SASH1: variants seen among roughly 807,000 people sequenced by gnomAD.
SASH1 encodes SAM and SH3 domain containing 1, also known as SAM and SH3 domain-containing protein 1.
SASH1 carries 44 observed loss-of-function variants against 125.2 expected under a neutral mutation model. The observed-to-expected ratio is 0.35, with a 90% confidence interval of 0.28 to 0.45. The LOEUF (loss-of-function observed/expected upper bound fraction) is 0.45. Among genes scored for constraint, SASH1 ranks in the 20% least tolerant of loss-of-function variants. The probability of loss-of-function intolerance (pLI) is 1.00; values close to 1 mark genes in which losing one functional copy is unlikely to be tolerated. For missense variants in SASH1, 1,426 were observed against 1,614.5 expected, an observed-to-expected ratio of 0.88 and a Z score of 2.00; for synonymous variants, 639 against 649.1, an observed-to-expected ratio of 0.98 and a Z score of 0.24.
chr6:148,425,230 G>A (rs555401230), intron 2 of SASH1, among the ~76,000 whole-genome samples: 31 of 152,244 alleles, frequency 2.0e-4, no homozygotes, highest in African/African-American at 7.2e-4. Flanking sequence ...AAGGCTGCAC[G>A]CAAGAACTTT....
Position 148,543,801 on chromosome 6 carries a change from A to G in SASH1, c.2331A>G (p.Ala777=). 1 of 1,614,116 alleles carries G rather than the reference A, an allele frequency of 6.2e-7. No individual in the cohort carries two copies. The highest frequency in any genetic ancestry group is 8.5e-7 in the Non-Finnish European group (1 of 1,180,000). ...PTLPLMKSGD[A]LKQGQEEGRL... ...TGCCTTTAATGAAATCAGGGGATGCACTGAAGCAGGGACAGGAGGAGGGCA... is the reference window on the plus strand; with the variant it reads ...TGCCTTTAATGAAATCAGGGGATGCGCTGAAGCAGGGACAGGAGGAGGGCA... The change falls in exon 18 of 20, where the codon GCA becomes GCG. Residue 777 remains alanine (A), a synonymous_variant. Transcript: ENST00000367467.
the SASH1 span, among the ~76,000 whole-genome samples, chr6:148,218,784 T>G: frequency 6.6e-6 from 1 of 152,228 alleles, no homozygotes; most frequent in African/African-American, 2.4e-5. Context: ...CACCACCTTG[T>G]GAACCCTTCT....
Position 148,544,924 on chromosome 6 carries a change from G to GGTGTCTCC in SASH1, c.3348+106_3348+107insGTGTCTCC. The GGTGTCTCC allele has an allele frequency of 9.2e-7, 1 of 1,085,826 alleles. No homozygotes were observed. Among genetic ancestry groups the GGTGTCTCC allele is most frequent in the Non-Finnish European group, 1.3e-6 (1 of 773,610 alleles). The allele number at this position is 1,085,826 out of a possible 1,614,324, so 67.3% of individuals were successfully genotyped here. A position where few individuals can be genotyped will look rare whatever the true frequency, so the allele number is the denominator to read the frequency against. On this transcript the variant is annotated intron_variant, in intron 18 of 19. Coordinates refer to ENST00000367467, the MANE Select transcript of SASH1 (RefSeq NM_015278.5). The surrounding 1 kb of genome is among the most constrained non-coding windows in gnomAD (Gnocchi z 6.4). Reference sequence around the variant, plus strand: ...TGAAGCCAGCCCGGTAGCCCGCCCAGTGGACAGGAGACACCTGAATCCACG... The same window carrying GGTGTCTCC: ...TGAAGCCAGCCCGGTAGCCCGCCCAGGTGTCTCCTGGACAGGAGACACCTGAATCCACG...
At chr6:148,348,749 ATCT>A (rs1781598160) in intron 1 of SASH1, among the ~76,000 whole-genome samples, 3 of 152,228 alleles carry the variant, frequency 2.0e-5, no homozygotes, top group African/African-American at 7.2e-5. Context: ...TCTTTCACAC[ATCT>A]TCTTCAGACG....
intron 2 of SASH1, among the ~76,000 whole-genome samples, chr6:148,420,464 A>G (rs1011715533): frequency 5.9e-5 from 9 of 152,186 alleles, no homozygotes; most frequent in Non-Finnish European, 8.8e-5. Flanking sequence ...TTGAGTATCT[A>G]TTAAGTGCCA....
the SASH1 span, among the ~76,000 whole-genome samples, chr6:148,243,981 G>C: frequency 2.0e-4 from 31 of 152,250 alleles, no homozygotes; most frequent in East Asian, 2.3e-3. Flanking sequence ...CCAGCCTCAG[G>C]GGACACTCTC....
chr6:148,337,381 G>T (rs1488996300), intron 1 of SASH1, among the ~76,000 whole-genome samples: 3 of 152,020 alleles, frequency 2.0e-5, no homozygotes, highest in Non-Finnish European at 4.4e-5. Flanking sequence ...CCGCCACCAC[G>T]CCTGGCAAAT....
At chr6:148,416,728 T>C (rs955548288) in intron 2 of SASH1, among the ~76,000 whole-genome samples, 2 of 152,116 alleles carry the variant, frequency 1.3e-5, no homozygotes, top group Non-Finnish European at 2.9e-5. Context: ...AACAGATAAA[T>C]AACCCAGGAT....
chr6:148,429,271 AGCTATCCAGGAG>A (rs1222604552), intron 2 of SASH1, among the ~76,000 whole-genome samples: 3 of 151,824 alleles, frequency 2.0e-5, no homozygotes, highest in African/African-American at 7.3e-5. Flanking sequence ...CTGTAGTCCC[AGCTATCCAGGAG>A]GCTGAGGCAG....
the SASH1 span, among the ~76,000 whole-genome samples, chr6:148,209,275 T>TC: frequency 2.2e-4 from 34 of 152,244 alleles, no homozygotes; most frequent in African/African-American, 6.3e-4. Context: ...TGAATTCCTG[T>TC]CCTGTGACTG....
chr6:148,242,088 C>G, the SASH1 span, among the ~76,000 whole-genome samples: 1 of 152,134 alleles, frequency 6.6e-6, no homozygotes, highest in Non-Finnish European at 1.5e-5. Flanking sequence ...TTTCCACACA[C>G]GGACATCGTA....
intron 2 of SASH1, among the ~76,000 whole-genome samples, chr6:148,417,151 G>A (rs1348446669): frequency 6.6e-6 from 1 of 152,174 alleles, no homozygotes; most frequent in Admixed American, 6.5e-5. Context: ...ACAAGGCCTT[G>A]CAAAGAAGAA....
intron 2 of SASH1, among the ~76,000 whole-genome samples, chr6:148,399,415 G>A (rs1304357821): frequency 6.6e-6 from 1 of 151,814 alleles, no homozygotes; most frequent in Non-Finnish European, 1.5e-5. Context: ...TAGTAGAGAT[G>A]AGGTTTCACC....
chr6:148,539,908 G>A (rs1236963396), intron 16 of SASH1, among the ~76,000 whole-genome samples: 3 of 152,056 alleles, frequency 2.0e-5, no homozygotes, highest in Non-Finnish European at 4.4e-5. Flanking sequence ...TGTTGCTGAG[G>A]GCTAAGAATG....
At chr6:148,292,224 C>G (rs768684096) in intron 1 of SASH1, among the ~76,000 whole-genome samples, 1 of 152,128 alleles carries the variant, frequency 6.6e-6, no homozygotes, top group Non-Finnish European at 1.5e-5. Flanking sequence ...CCTCAGGGAG[C>G]TATATAACTA....
At chr6:148,266,579 A>G in the SASH1 span, among the ~76,000 whole-genome samples, 3 of 152,092 alleles carry the variant, frequency 2.0e-5, no homozygotes, top group East Asian at 5.8e-4. Context: ...ATTCCAACGT[A>G]AGAGAAGCTC....
chr6:148,339,015 AAAAAAAAAAG>A (rs1053698929), upstream of SASH1, among the ~76,000 whole-genome samples: 1 of 150,084 alleles, frequency 6.7e-6, no homozygotes, highest in African/African-American at 2.5e-5. Context: ...AAAAAAAAAA[AAAAAAAAAAG>A]AGAGAGAGAG....
intron 4 of SASH1, among the ~76,000 whole-genome samples, chr6:148,454,272 C>T (rs912139593): frequency 1.3e-5 from 2 of 152,162 alleles, no homozygotes; most frequent in Admixed American, 1.3e-4. Flanking sequence ...CCCATGCCAG[C>T]CCCTGACCCA....
At chr6:148,390,315 G>A in intron 2 of SASH1, 53 bp downstream of exon 2, 1 of 1,573,068 alleles carries the variant, frequency 6.4e-7, no homozygotes, top group Non-Finnish European at 8.6e-7. Flanking sequence ...CTCCAATTTG[G>A]GCTTTTCCTT....
Sources: allele counts gnomAD v4.1 joint callset (sites outside exome capture counted in the v4.1 genomes callset), GRCh38; gene constraint gnomAD v4.1.1; non-coding constraint Gnocchi (gnomAD v3.1); transcripts MANE v1.5; gene names NCBI Gene and HGNC (gene_info 2026-07-23, HGNC 2026-07-21).